The following ATP6V0A1 variants were observed in gnomAD, a reference collection of about 807,000 sequenced individuals.
ATP6V0A1 encodes V-type proton ATPase 116 kDa subunit a 1.
In ATP6V0A1, 43 loss-of-function variants were observed where a neutral mutation model predicts 105.4. The ratio of observed to expected loss-of-function variants is 0.41; its 90% confidence interval spans 0.32 to 0.53. The LOEUF (loss-of-function observed/expected upper bound fraction) is 0.53, where lower values mean the gene tolerates loss of function less well. Among genes scored for constraint, ATP6V0A1 ranks in the 20% least tolerant of loss-of-function variants. The pLI, the probability that ATP6V0A1 is intolerant of heterozygous loss-of-function variation, is 0.30. For missense variants in ATP6V0A1, 676 were observed against 1,051.1 expected (o/e 0.64, Z 4.93); for synonymous variants, 362 against 372.8 (o/e 0.97, Z 0.33).
chr17:42,467,899 T>C, intron 3 of ATP6V0A1, 111 bp from the exon 4 acceptor site: 1 of 377,286 alleles, frequency 2.7e-6, no homozygotes. Flanking sequence ...AAGTATCTTT[T>C]TTGAATAAAA....
intron 3 of ATP6V0A1, among the ~76,000 whole-genome samples, chr17:42,467,443 A>G (rs1165763948): frequency 6.6e-6 from 1 of 152,168 alleles, no homozygotes; most frequent in Non-Finnish European, 1.5e-5. Flanking sequence ...TCCCCACTAT[A>G]AAAAACAGTT....
chr17:42,514,536 A>G (rs2092516128), intron 21 of ATP6V0A1, 76 bp downstream of exon 21: 1 of 1,404,714 alleles, frequency 7.1e-7, no homozygotes, highest in Non-Finnish European at 9.6e-7. Flanking sequence ...CTTTTCTCCC[A>G]CACACAGCCC....
intron 15 of ATP6V0A1, among the ~76,000 whole-genome samples, chr17:42,499,334 A>G (rs1480259806): frequency 6.6e-6 from 1 of 151,768 alleles, no homozygotes; most frequent in East Asian, 1.9e-4. Context: ...AGCCAGGTGT[A>G]GTGGCACGCG....
chr17:42,483,604 T>TG (rs2089787336), intron 9 of ATP6V0A1, among the ~76,000 whole-genome samples: 1 of 152,028 alleles, frequency 6.6e-6, no homozygotes, highest in Admixed American at 6.6e-5. Context: ...TTTTTTGAGA[T>TG]GGAGTCTTGC....
chr17:42,494,263 A>G, intron 11 of ATP6V0A1, 71 bp from the exon 12 acceptor site: 7 of 1,451,452 alleles, frequency 4.8e-6, no homozygotes, highest in Middle Eastern at 2.0e-4. Flanking sequence ...GGTATGGAAA[A>G]GAATGTAATA....
In ATP6V0A1 at chr17:42,490,664, C is replaced by G. The variant is rs746100277; in HGVS notation, c.1174+27C>G. 25 of 1,565,870 alleles carry G rather than the reference C, an allele frequency of 1.6e-5. No homozygotes were observed. The African/African-American group carries it at 3.2e-4, about 20-fold the overall frequency. On this transcript the variant is annotated intron_variant, in intron 11 of 21. Transcript: ENST00000343619. ...TAAAAAAAAGCTTGTTATCTTTTTCCTCTAGAGTTTTTTTTGTTTGTTTGG... is the reference window on the plus strand; with the variant it reads ...TAAAAAAAAGCTTGTTATCTTTTTCGTCTAGAGTTTTTTTTGTTTGTTTGG...
At chr17:42,485,828 A>G (rs2090054472) in intron 9 of ATP6V0A1, among the ~76,000 whole-genome samples, 1 of 152,164 alleles carries the variant, frequency 6.6e-6, no homozygotes, top group African/African-American at 2.4e-5. Context: ...AAGTGCTGGG[A>G]TTACAGGAGT....
At position 42,478,550 on chromosome 17, in the gene ATP6V0A1, A is replaced by C; in HGVS notation, c.594A>C (p.Arg198=). 6.2e-7 allele frequency: 1 copy of C among 1,604,510 alleles called. No individual in the cohort carries two copies. The change falls in exon 7 of 22, where the codon CGA becomes CGC. Residue 198 remains arginine (R), a synonymous_variant. Coordinates refer to ENST00000343619, the MANE Select transcript of ATP6V0A1 (RefSeq NM_001130021.3). Reference sequence around the variant, plus strand: ...TATGCCGGGGAAATGTGTTCCTGCGACAGGCTGAAATCGAGAACCCCCTGG... The same window carrying C: ...TATGCCGGGGAAATGTGTTCCTGCGCCAGGCTGAAATCGAGAACCCCCTGG... ...WRVCRGNVFL[R]QAEIENPLED...
At chr17:42,469,853 G>A (rs963006695) in intron 4 of ATP6V0A1, among the ~76,000 whole-genome samples, 13 of 152,136 alleles carry the variant, frequency 8.5e-5, no homozygotes, top group African/African-American at 3.1e-4. Flanking sequence ...TTTTGGTCAG[G>A]CTGGTCTCGA....
intron 5 of ATP6V0A1, among the ~76,000 whole-genome samples, chr17:42,472,976 G>C (rs2088193251): frequency 6.6e-6 from 1 of 152,192 alleles, no homozygotes; most frequent in Admixed American, 6.5e-5. Flanking sequence ...AAACTGCTGG[G>C]CTAGAGAAGG....
intron 15 of ATP6V0A1, among the ~76,000 whole-genome samples, chr17:42,500,373 G>A (rs955028212): frequency 2.6e-5 from 4 of 152,158 alleles, no homozygotes; most frequent in African/African-American, 7.2e-5. Flanking sequence ...CCAGCTACTC[G>A]AGAGGCTGAG....
chr17:42,494,205 T>G (rs753885814), intron 11 of ATP6V0A1, 129 bp from the exon 12 acceptor site: 21 of 911,612 alleles, frequency 2.3e-5, no homozygotes, highest in Non-Finnish European at 3.3e-5. Context: ...ATTGAGACAT[T>G]GCTGGCTGAC....
chr17:42,492,668 T>C (rs920695838), intron 11 of ATP6V0A1, among the ~76,000 whole-genome samples: 7 of 146,760 alleles, frequency 4.8e-5, no homozygotes, highest in African/African-American at 1.8e-4. Flanking sequence ...ATTGCATTAT[T>C]GCACTCCAGC....
intron 8 of ATP6V0A1, among the ~76,000 whole-genome samples, chr17:42,482,586 G>A (rs568852879): frequency 2.0e-4 from 30 of 151,982 alleles, no homozygotes; most frequent in African/African-American, 7.0e-4. Context: ...TGCTCCGTCT[G>A]CAGGTCATTT....
At chr17:42,507,756 C>G in intron 18 of ATP6V0A1, 129 bp downstream of exon 18, 1 of 813,798 alleles carries the variant, frequency 1.2e-6, no homozygotes. Context: ...AGCCTGCCTT[C>G]TGGACCTCTT....
At chr17:42,465,036 A>G (rs2086871692) in intron 2 of ATP6V0A1, among the ~76,000 whole-genome samples, 1 of 152,088 alleles carries the variant, frequency 6.6e-6, no homozygotes, top group African/African-American at 2.4e-5. Context: ...TCTGTTGCCC[A>G]GGCTGGAGTG....
At chr17:42,486,538 A>T (rs2145920992) in intron 9 of ATP6V0A1, among the ~76,000 whole-genome samples, 1 of 152,342 alleles carries the variant, frequency 6.6e-6, no homozygotes, top group Non-Finnish European at 1.5e-5. Context: ...AAAAGGATCA[A>T]CACTGAACCA....
chr17:42,477,574 T>G, intron 5 of ATP6V0A1, 86 bp from the exon 6 acceptor site: 1 of 1,383,808 alleles, frequency 7.2e-7, no homozygotes, highest in Non-Finnish European at 1.0e-6. Context: ...ACCTGTCTCC[T>G]GGTTCCTCGT....
At chr17:42,469,323 CTTTTTTTTTTTTT>C (rs58501978) in intron 4 of ATP6V0A1, among the ~76,000 whole-genome samples, 5 of 102,332 alleles carry the variant, frequency 4.9e-5, no homozygotes, top group East Asian at 2.8e-4. Context: ...AAAGGAAAGA[CTTTTTTTTTTTTT>C]TTTTTTTTTT....
Sources: gnomAD v4.1 joint callset for allele counts (sites outside exome capture counted in the v4.1 genomes callset) on GRCh38, gnomAD v4.1.1 for gene constraint, MANE v1.5 for transcripts, NCBI Gene and HGNC (gene_info 2026-07-23, HGNC 2026-07-21) for gene names.